Variants in PCCA observed in about 807,000 individuals in gnomAD.
PCCA encodes the protein propionyl-CoA carboxylase subunit alpha.
A neutral mutation model predicts 101.3 loss-of-function variants in PCCA; 74 were observed. The ratio of observed to expected loss-of-function variants is 0.73; its 90% CI spans 0.61 to 0.89. The LOEUF (loss-of-function observed/expected upper bound fraction) is 0.89, where lower values mean the gene tolerates loss of function less well. Ranked by LOEUF, PCCA falls within the 40% of genes least tolerant of loss-of-function variation. The pLI is 0.00. For synonymous variants in PCCA, 294 were observed against 313.6 expected (o/e 0.94, Z 0.66); for missense variants, 891 against 907.0 (o/e 0.98, Z 0.23).
intron 21 of PCCA, among the ~76,000 whole-genome samples, chr13:100,507,868 G>A (rs2086200324): frequency 6.6e-6 from 1 of 151,834 alleles, no homozygotes; most frequent in Non-Finnish European, 1.5e-5. Flanking sequence ...ATGTAGGCCA[G>A]GCTGTTCTTG....
intron 17 of PCCA, among the ~76,000 whole-genome samples, chr13:100,338,927 T>C (rs2152749622): frequency 6.6e-6 from 1 of 152,174 alleles, no homozygotes; most frequent in East Asian, 1.9e-4. Flanking sequence ...TGAGTGATTT[T>C]TTAGACATAA....
At chr13:100,466,794 G>T (rs2082554498) in intron 21 of PCCA, among the ~76,000 whole-genome samples, 1 of 152,134 alleles carries the variant, frequency 6.6e-6, no homozygotes, top group Admixed American at 6.5e-5. Context: ...GGAGGCGGGG[G>T]TTGCAGTGAG....
At chr13:100,331,934 A>ATTTTTTTTTT (rs34411352) in intron 17 of PCCA, among the ~76,000 whole-genome samples, 1 of 89,768 alleles carries the variant, frequency 1.1e-5, no homozygotes, top group Non-Finnish European at 2.0e-5. Flanking sequence ...ATTACTTTGG[A>ATTTTTTTTTT]TTTTTTTTTT....
chr13:100,423,998 G>C (rs1006827611), intron 19 of PCCA, among the ~76,000 whole-genome samples: 2 of 152,198 alleles, frequency 1.3e-5, no homozygotes, highest in African/African-American at 4.8e-5. Context: ...ACCTACTACA[G>C]TCGGCCCATG....
intron 5 of PCCA, among the ~76,000 whole-genome samples, chr13:100,155,938 C>T (rs2053838839): frequency 6.6e-6 from 1 of 152,182 alleles, no homozygotes; most frequent in South Asian, 2.1e-4. Flanking sequence ...AACCTTTTAA[C>T]TATAGCTTGC....
chr13:100,485,743 A>C (rs565882956), intron 21 of PCCA, among the ~76,000 whole-genome samples: 1 of 152,312 alleles, frequency 6.6e-6, no homozygotes, highest in South Asian at 2.1e-4. Flanking sequence ...ATAATACTGT[A>C]ACTGGGAGAG....
intron 10 of PCCA, among the ~76,000 whole-genome samples, chr13:100,267,141 A>G (rs2062991800): frequency 6.6e-6 from 1 of 152,206 alleles, no homozygotes; most frequent in African/African-American, 2.4e-5. Context: ...CTGATATTTT[A>G]TAGTTGGAAA....
intron 20 of PCCA, among the ~76,000 whole-genome samples, chr13:100,438,000 A>C (rs911672100): frequency 2.0e-5 from 3 of 152,100 alleles, no homozygotes; most frequent in Non-Finnish European, 4.4e-5. Flanking sequence ...AGTCATATTA[A>C]AAAAGATGAA....
chr13:100,458,450 C>T lies in PCCA; in HGVS notation c.1899+9145C>T, dbSNP rs1227242934. Reference sequence around the variant, plus strand: ...ACACACACACACACATACACACACACACACACACACACACACACACACACA... The same window carrying T: ...ACACACACACACACATACACACACATACACACACACACACACACACACACA... On this transcript the variant is annotated intron_variant, in intron 21 of 23. Coordinates refer to ENST00000376285, the MANE Select transcript of PCCA (RefSeq NM_000282.4). 3.8e-4 allele frequency among the ~76,000 whole-genome samples: 16 copies of T among 41,692 alleles called. No individual in the cohort carries two copies. In the South Asian group the frequency reaches 0.012, roughly 31 times the overall value. 27.4% of individuals were successfully genotyped at this position (41,692 alleles called of 152,430 possible).
At chr13:100,517,163 G>C (rs937742928) in intron 22 of PCCA, among the ~76,000 whole-genome samples, 1 of 151,734 alleles carries the variant, frequency 6.6e-6, no homozygotes, top group Non-Finnish European at 1.5e-5. Flanking sequence ...GGGCGGGCAG[G>C]GATGAGGGAG....
intron 6 of PCCA, among the ~76,000 whole-genome samples, chr13:100,206,730 G>A (rs986292475): frequency 6.6e-6 from 1 of 152,102 alleles, no homozygotes; most frequent in African/African-American, 2.4e-5. Context: ...GCAGAAGCAC[G>A]AAGGTCTCTG....
At chr13:100,480,595 C>A (rs962740167) in intron 21 of PCCA, among the ~76,000 whole-genome samples, 1 of 152,138 alleles carries the variant, frequency 6.6e-6, no homozygotes, top group Non-Finnish European at 1.5e-5. Flanking sequence ...TTCCATAGAA[C>A]CTTTTGTTCC....
intron 6 of PCCA, chr13:100,160,833 CTG>C (rs2054389856): frequency 6.6e-6 from 1 of 151,954 alleles, no homozygotes; most frequent in Non-Finnish European, 1.5e-5. Context: ...TCTTAGTATT[CTG>C]TGTTTTCTTT....
chr13:100,272,388 G>A (rs2063362067), intron 11 of PCCA, among the ~76,000 whole-genome samples: 1 of 152,060 alleles, frequency 6.6e-6, no homozygotes. Flanking sequence ...TAATATCTGT[G>A]GTTGATTCAT....
rs553596356 is a variant in PCCA, at chr13:100,498,933, C to G, written c.1900-16494C>G. On this transcript the variant is annotated intron_variant, in intron 21 of 23. Coordinates refer to ENST00000376285, the MANE Select transcript of PCCA (RefSeq NM_000282.4). Reference sequence around the variant, plus strand: ...GAAATTTTGTATTCTGCCACCATACCTTGTCAAAACCTTTTAACAAGGCAT... The same window carrying G: ...GAAATTTTGTATTCTGCCACCATACGTTGTCAAAACCTTTTAACAAGGCAT... Among the ~76,000 whole-genome samples, 5 of 152,258 alleles carry G rather than the reference C, an allele frequency of 3.3e-5. No homozygotes were observed. In the South Asian group the frequency reaches 1.0e-3, roughly 32 times the overall value.
intron 17 of PCCA, among the ~76,000 whole-genome samples, chr13:100,338,678 A>G (rs1016319254): frequency 6.7e-6 from 1 of 149,174 alleles, no homozygotes; most frequent in African/African-American, 2.5e-5. Flanking sequence ...TGCCCATAAG[A>G]GTATGGTTTA....
intron 21 of PCCA, among the ~76,000 whole-genome samples, chr13:100,492,866 C>T (rs2085004159): frequency 6.6e-6 from 1 of 151,670 alleles, no homozygotes. Context: ...GGGGAAAGAT[C>T]ATCTTCCCAC....
intron 23 of PCCA, among the ~76,000 whole-genome samples, chr13:100,527,965 A>G (rs1050206192): frequency 6.6e-6 from 1 of 152,212 alleles, no homozygotes; most frequent in African/African-American, 2.4e-5. Context: ...TCTGTGCTTT[A>G]TGTTCAGGTA....
At chr13:100,236,003 G>A (rs1015887214) in intron 8 of PCCA, 125 bp downstream of exon 8, 1 of 697,030 alleles carries the variant, frequency 1.4e-6, no homozygotes, top group Non-Finnish European at 2.6e-6. Flanking sequence ...TTGATTACTT[G>A]TTGCTCTGGA....
Sources: gnomAD v4.1 joint callset for allele counts (sites outside exome capture counted in the v4.1 genomes callset) on GRCh38, gnomAD v4.1.1 for gene constraint, MANE v1.5 for transcripts, NCBI Gene and HGNC (gene_info 2026-07-23, HGNC 2026-07-21) for gene names.